MCCC2: variants seen among roughly 807,000 people sequenced by gnomAD.
MCCC2 encodes methylcrotonyl-CoA carboxylase subunit 2, also known as methylcrotonoyl-CoA carboxylase beta chain, mitochondrial.
MCCC2 carries 52 observed loss-of-function variants against 77.2 expected under a neutral mutation model. The observed-to-expected ratio is 0.67, with a 90% CI of 0.54 to 0.85. The LOEUF (loss-of-function observed/expected upper bound fraction) is 0.85. Ranked by LOEUF, MCCC2 falls within the 40% of genes least tolerant of loss-of-function variation. MCCC2 has a pLI of 0.00. For missense variants in MCCC2, 682 were observed against 703.2 expected (o/e 0.97, Z 0.34); for synonymous variants, 253 against 248.4 (o/e 1.02, Z -0.18).
intron 2 of MCCC2, 64 bp downstream of exon 2, chr5:71,593,056 T>A: frequency 7.3e-7 from 1 of 1,369,042 alleles, no homozygotes; most frequent in Non-Finnish European, 1.0e-6. Context: ...TAGTTATTGC[T>A]TTTAGGAAAA....
chr5:71,628,199 C>G (rs1275763157), intron 7 of MCCC2, among the ~76,000 whole-genome samples: 1 of 152,164 alleles, frequency 6.6e-6, no homozygotes, highest in Non-Finnish European at 1.5e-5. Context: ...GGAGACATGT[C>G]TATTCAGATT....
At chr5:71,590,887 G>C (rs1453133586) in intron 1 of MCCC2, among the ~76,000 whole-genome samples, 1 of 151,984 alleles carries the variant, frequency 6.6e-6, no homozygotes, top group Non-Finnish European at 1.5e-5. Flanking sequence ...TTTGTGGCCT[G>C]ACATGTAGTC....
intron 5 of MCCC2, 103 bp from the exon 6 acceptor site, chr5:71,604,246 AGTTTTTT>A: frequency 1.1e-6 from 1 of 943,798 alleles, no homozygotes; most frequent in Non-Finnish European, 1.7e-6. Context: ...AGACAGGGCA[AGTTTTTT>A]GTGAATGTGA....
rs35068278 is a variant in MCCC2 at position 71,650,128 on chromosome 5, C to G, written c.1433C>G (p.Ala478Gly). ...ATCTCAGTGATGGGAGGAGAGCAGG[C>G]AGCCAATGTGTTGGCCACGATAACA... ...ARISVMGGEQ[A>G]ANVLATITKD... The change falls in exon 15 of 17, where the codon GCA becomes GGA. Residue 478 changes from alanine (A) to glycine (G), a missense_variant. Coordinates refer to ENST00000340941, the MANE Select transcript of MCCC2 (RefSeq NM_022132.5). The G allele has an allele frequency of 1.4e-3, 2,334 of 1,614,060 alleles. 5 individuals are homozygous for G. Among genetic ancestry groups the G allele is most frequent in the Non-Finnish European group, 1.8e-3 (2,113 of 1,180,024 alleles).
intron 10 of MCCC2, chr5:71,636,635 G>T (rs1746940195): frequency 6.6e-6 from 1 of 152,018 alleles, no homozygotes; most frequent in African/African-American, 2.4e-5. Flanking sequence ...TGGGAGCAGA[G>T]GTTGCAGTGA....
intron 10 of MCCC2, among the ~76,000 whole-genome samples, chr5:71,639,099 A>G (rs190370654): frequency 3.3e-5 from 5 of 152,354 alleles, no homozygotes; most frequent in Non-Finnish European, 7.4e-5. Context: ...TGTTACATTT[A>G]TAGAGCACAG....
At position 71,649,636 on chromosome 5, in the gene MCCC2, G is replaced by A. The variant is rs73763911; in HGVS notation, c.1373+383G>A. 5.3e-3 allele frequency among the ~76,000 whole-genome samples: 803 copies of A among 152,312 alleles called. 10 individuals carry two copies. Among genetic ancestry groups the A allele is most frequent in the African/African-American group, 0.018 (761 of 41,566 alleles). ...GTTCAAAGAACAGCACGTTAAACCCGTGACAAATAGAAAGGACATAATGAA... is the reference window on the plus strand; with the variant it reads ...GTTCAAAGAACAGCACGTTAAACCCATGACAAATAGAAAGGACATAATGAA... On this transcript the variant is annotated intron_variant, in intron 14 of 16. Transcript: ENST00000340941.
At chr5:71,656,686 G>C in intron 16 of MCCC2, 57 bp from the exon 17 acceptor site, 1 of 1,317,004 alleles carries the variant, frequency 7.6e-7, no homozygotes, top group Admixed American at 1.7e-5. Flanking sequence ...CACATGGAGA[G>C]TGTATAAATG....
At position 71,634,990 on chromosome 5, in the gene MCCC2, T is replaced by C. The variant is rs376237028; in HGVS notation, c.851T>C (p.Leu284Pro). 4 of 1,614,068 alleles carry C rather than the reference T, an allele frequency of 2.5e-6. No homozygotes were observed. The African/African-American group carries it at 5.3e-5, about 22-fold the overall frequency. Residue 284 changes from leucine to proline, a missense_variant, in exon 9 of 17, where the codon CTT (leucine) becomes CCT (proline). By Grantham distance (98) the Leu-to-Pro change is moderately conservative (BLOSUM62 -3). Transcript: ENST00000340941. ...DHWALDDHHA[L>P]HLTRKVVRNL... ...TGGGCTTTGGATGATCATCATGCCC[T>C]TCACTTAACTAGGAAGGTTGTGAGG...
chr5:71,600,974 G>A (rs1745404702), intron 4 of MCCC2, among the ~76,000 whole-genome samples: 1 of 152,182 alleles, frequency 6.6e-6, no homozygotes, highest in Admixed American at 6.5e-5. Context: ...GAGCCTCAGT[G>A]GGAACTCTGG....
rs143156315 is a variant in MCCC2, at chr5:71,656,825, A to G, written c.1657A>G (p.Ile553Val). 443 of 1,614,140 alleles carry G rather than the reference A, an allele frequency of 2.7e-4. 1 individual carries two copies. Among genetic ancestry groups the G allele is most frequent in the South Asian group, 1.3e-3 (122 of 91,088 alleles). ...LSFSAALNAP[I>V]EKTDFGIFRM The stretch of plus-strand genomic sequence containing the variant: ...TTTTAGTGCAGCCCTCAACGCACCA[A>G]TAGAGAAGACTGACTTCGGTATCTT... The change falls in exon 17 of 17, where the codon ATA (isoleucine) becomes GTA (valine). Residue 553 changes from isoleucine to valine, a missense_variant. Transcript: ENST00000340941.
intron 6 of MCCC2, among the ~76,000 whole-genome samples, chr5:71,615,047 A>G (rs1469472683): frequency 1.3e-5 from 2 of 151,776 alleles, no homozygotes; most frequent in Non-Finnish European, 2.9e-5. Flanking sequence ...GCTCACTGCA[A>G]CCTCCACCTC....
intron 16 of MCCC2, among the ~76,000 whole-genome samples, chr5:71,655,629 T>G (rs1224779246): frequency 6.6e-6 from 1 of 152,196 alleles, no homozygotes; most frequent in Non-Finnish European, 1.5e-5. Flanking sequence ...ATGAATGTTT[T>G]ATGAGCAAAG....
intron 3 of MCCC2, among the ~76,000 whole-genome samples, chr5:71,599,315 A>T (rs1745330755): frequency 6.6e-6 from 1 of 152,042 alleles, no homozygotes; most frequent in Admixed American, 6.5e-5. Context: ...GGTTGCAGTG[A>T]GCTGAGATCG....
At chr5:71,630,605 T>C (rs114665986) in intron 7 of MCCC2, among the ~76,000 whole-genome samples, 1,825 of 152,290 alleles carry the variant, frequency 0.012, 12 homozygotes, top group Admixed American at 0.021. Flanking sequence ...TGAATGTTAT[T>C]TTACACTAAA....
intron 8 of MCCC2, among the ~76,000 whole-genome samples, chr5:71,633,429 T>TGAAAATTGTGAATAGTGC: frequency 6.6e-6 from 1 of 152,130 alleles, no homozygotes; most frequent in Non-Finnish European, 1.5e-5. Flanking sequence ...ATAGATAAAG[T>TGAAAATTGTGAATAGTGC]GAAAATTGTG....
At chr5:71,626,172 A>G (rs1043357112) in intron 6 of MCCC2, among the ~76,000 whole-genome samples, 1 of 152,216 alleles carries the variant, frequency 6.6e-6, no homozygotes, top group Admixed American at 6.5e-5. Flanking sequence ...TTAGTTTTAT[A>G]TTTAGAAAGT....
In MCCC2 at chr5:71,641,968, C is replaced by T. The variant is rs964736373; in HGVS notation, c.1072+893C>T. 2.0e-5 allele frequency among the ~76,000 whole-genome samples: 3 copies of T among 152,316 alleles called. No homozygotes were observed. In the South Asian group the frequency reaches 6.2e-4, roughly 32 times the overall value. ...AAAAGCTTTTTGTTTGATATATAGA[C>T]AGGATTTGTCACCAAATTGTTCAGA... On this transcript the variant is annotated intron_variant, in intron 11 of 16. Transcript: ENST00000340941.
chr5:71,610,068 G>T (rs936807806), intron 6 of MCCC2, among the ~76,000 whole-genome samples: 1 of 152,254 alleles, frequency 6.6e-6, no homozygotes, highest in African/African-American at 2.4e-5. Flanking sequence ...AGGCAGGCAG[G>T]CCTCCTTGAG....
Sources: gnomAD v4.1 joint callset for allele counts (sites outside exome capture counted in the v4.1 genomes callset) on GRCh38, gnomAD v4.1.1 for gene constraint, MANE v1.5 for transcripts, NCBI Gene and HGNC (gene_info 2026-07-23, HGNC 2026-07-21) for gene names.